The following SLC6A20 variants were observed in gnomAD, a reference collection of about 807,000 sequenced individuals.
The protein encoded by SLC6A20 is solute carrier family 6 member 20.
A neutral mutation model predicts 64.3 loss-of-function variants in SLC6A20; 73 were observed. The observed-to-expected ratio is 1.14, with a 90% CI of 0.94 to 1.38. SLC6A20 has a LOEUF of 1.38. Ranked by LOEUF, SLC6A20 falls within the 40% of genes most tolerant of loss-of-function variation. The probability of loss-of-function intolerance (pLI) is 0.00; values close to 1 mark genes in which losing one functional copy is unlikely to be tolerated. For synonymous variants in SLC6A20, 347 were observed against 329.6 expected, an observed-to-expected ratio of 1.05 and a Z score of -0.57; for missense variants, 725 against 772.8, an observed-to-expected ratio of 0.94 and a Z score of 0.73.
In SLC6A20 at chr3:45,758,375, C is replaced by T; in HGVS notation, c.*603G>A. On this transcript the variant is annotated 3_prime_UTR_variant, in exon 11 of 11. Coordinates refer to ENST00000358525, the MANE Select transcript of SLC6A20 (RefSeq NM_020208.4). The stretch of plus-strand genomic sequence containing the variant: ...TTTGTAGAGAGGTCTGGTCCTGGAC[C>T]CACCGTCAGAGACCTTAGAGAAAGG... 1 of 1,247,344 alleles carries T rather than the reference C, an allele frequency of 8.0e-7. No homozygotes were observed. Among genetic ancestry groups the T allele is most frequent in the Non-Finnish European group, 1.0e-6 (1 of 956,838 alleles). The allele number at this position is 1,247,344 out of a possible 1,614,324, so 77.3% of individuals were successfully genotyped here. A position where few individuals can be genotyped will look rare whatever the true frequency, so the allele number is the denominator to read the frequency against.
At position 45,775,783 on chromosome 3, in the gene SLC6A20, C is replaced by T. The variant is rs149068093; in HGVS notation, c.560G>A (p.Arg187His). Residue 187 changes from arginine (R) to histidine (H), a missense_variant, in exon 4 of 11, where the codon CGT (arginine) becomes CAT (histidine). Arg to His is a conservative substitution (Grantham distance 29). Transcript: ENST00000358525. ...CACCTTGCCAGTGGACTCGGTGCCA[C>T]GCAGGATGCACAGGTACACCACCAG... ...AWLVVYLCIL[R>H]GTESTGKVVY... 169 of 1,613,782 alleles carry T rather than the reference C, an allele frequency of 1.0e-4. No homozygotes were observed. Among genetic ancestry groups the T allele is most frequent in the Middle Eastern group, 3.3e-4 (2 of 6,082 alleles).
chr3:45,792,367 C>T (rs1559573825), intron 1 of SLC6A20, among the ~76,000 whole-genome samples: 1 of 152,204 alleles, frequency 6.6e-6, no homozygotes, highest in Non-Finnish European at 1.5e-5. Context: ...TTCTCTCTGA[C>T]TTGTTTCCTA....
In SLC6A20 at chr3:45,758,356, G is replaced by A. The variant is rs1270155732; in HGVS notation, c.*622C>T. The A allele has an allele frequency of 7.6e-6, 9 of 1,178,386 alleles. No homozygotes were observed. The highest frequency in any genetic ancestry group is 1.1e-6 in the Non-Finnish European group (1 of 897,940). The allele number at this position is 1,178,386 out of a possible 1,614,324, so 73.0% of individuals were successfully genotyped here. On this transcript the variant is annotated 3_prime_UTR_variant, in exon 11 of 11. Coordinates refer to ENST00000358525, the MANE Select transcript of SLC6A20 (RefSeq NM_020208.4). ...ACTGTAGTTGGGGCAATTTTTTGTAGAGAGGTCTGGTCCTGGACCCACCGT... is the reference window on the plus strand; with the variant it reads ...ACTGTAGTTGGGGCAATTTTTTGTAAAGAGGTCTGGTCCTGGACCCACCGT...
rs1343394460 is a variant in SLC6A20 at position 45,765,580 on chromosome 3, G to A, written c.1260C>T (p.Asp420=). The change falls in exon 8 of 11, where the codon GAC becomes GAT. Residue 420 remains aspartate, a synonymous_variant. Transcript: ENST00000358525. The surrounding 1 kb of genome is among the most constrained non-coding windows in gnomAD (Gnocchi z 4.2). ...GCAGGTGGCTGGAGATGATCTTGCT[G>A]TCTGTCAGAGGGGTGAGGATGGCCG... The part of the protein sequence containing the change: ...NTAAILTPLT[D]SKIISSHLPK... 6.2e-7 allele frequency: 1 copy of A among 1,614,126 alleles called. No homozygotes were observed. The highest frequency in any genetic ancestry group is 8.5e-7 in the Non-Finnish European group (1 of 1,180,014).
chr3:45,780,768 G>A (rs1017648382), intron 2 of SLC6A20, among the ~76,000 whole-genome samples: 6 of 152,154 alleles, frequency 3.9e-5, no homozygotes, highest in Admixed American at 6.6e-5. Flanking sequence ...CTCCCCAGCC[G>A]CAAGTGCTGG....
chr3:45,759,765 T>G (rs1452986482), intron 10 of SLC6A20, 92 bp downstream of exon 10: 4 of 1,435,654 alleles, frequency 2.8e-6, no homozygotes, highest in Non-Finnish European at 3.8e-6. Flanking sequence ...ACCCACACCA[T>G]GGAAATAGTC....
intron 5 of SLC6A20, 140 bp from the exon 6 acceptor site, chr3:45,771,598 A>T: frequency 1.5e-6 from 2 of 1,349,752 alleles, no homozygotes; most frequent in Non-Finnish European, 2.0e-6. Context: ...AGGGCTGGAG[A>T]CCAGCTCTCC....
chr3:45,759,666 A>G (rs1381635693), intron 10 of SLC6A20, among the ~76,000 whole-genome samples, 191 bp downstream of exon 10: 1 of 152,244 alleles, frequency 6.6e-6, no homozygotes, highest in Non-Finnish European at 1.5e-5. Context: ...CCACTGAAGC[A>G]CATACCTAAA....
chr3:45,768,288 C>G (rs1699805598), intron 7 of SLC6A20, among the ~76,000 whole-genome samples: 1 of 150,390 alleles, frequency 6.6e-6, no homozygotes, highest in Non-Finnish European at 1.5e-5. Flanking sequence ...AAATTCCAAA[C>G]AGCAGGGAAT....
chr3:45,779,582 C>A (rs749636796), intron 3 of SLC6A20, among the ~76,000 whole-genome samples: 1 of 152,236 alleles, frequency 6.6e-6, no homozygotes. Flanking sequence ...CTGAGGAAAG[C>A]GGGAGAAGGG....
chr3:45,793,668 G>A (rs13065580), intron 1 of SLC6A20, among the ~76,000 whole-genome samples: 13 of 152,244 alleles, frequency 8.5e-5, no homozygotes, highest in South Asian at 6.2e-4. Flanking sequence ...TCCCTAATCC[G>A]TCTTATTCTG....
chr3:45,790,127 G>A (rs958805208), intron 1 of SLC6A20, among the ~76,000 whole-genome samples: 6 of 151,994 alleles, frequency 3.9e-5, no homozygotes, highest in South Asian at 2.1e-4. Flanking sequence ...ATGCCCGCCC[G>A]AGTCAGTGCC....
In SLC6A20 at chr3:45,765,071, G is replaced by T. The variant is rs1471881940; in HGVS notation, c.1303+466C>A. On this transcript the variant is annotated intron_variant, in intron 8 of 10. Coordinates refer to ENST00000358525, the MANE Select transcript of SLC6A20 (RefSeq NM_020208.4). The surrounding 1 kb of genome is among the most constrained non-coding windows in gnomAD (Gnocchi z 4.2). ...CTACTAAAAATACAAAAATTAGCCA[G>T]GTGTCATGGCGTGCACCTGTAATCC... Among the ~76,000 whole-genome samples the T allele has an allele frequency of 6.6e-6, 1 of 151,958 alleles. No individual in the cohort carries two copies. The highest frequency in any genetic ancestry group is 2.4e-5 in the African/African-American group (1 of 41,350).
chr3:45,761,313 G>A (rs1000375175), intron 9 of SLC6A20, among the ~76,000 whole-genome samples: 17 of 151,296 alleles, frequency 1.1e-4, no homozygotes, highest in South Asian at 6.3e-4. Context: ...ACTAGATGGC[G>A]GTGTCACCTG....
In SLC6A20 at chr3:45,759,234, G is replaced by GTGGGGCCGGTGTCCTCACTCC. The variant is rs1337215558; in HGVS notation, c.1630-128_1630-108dup. On this transcript the variant is annotated intron_variant, in intron 10 of 10. Coordinates refer to ENST00000358525, the MANE Select transcript of SLC6A20 (RefSeq NM_020208.4). Reference sequence around the variant, plus strand: ...GTGATGTGACGTGGGCAGAGAGCATGTGGGGCCGGTGTCCTCACTCCTGGG... The same window carrying GTGGGGCCGGTGTCCTCACTCC: ...GTGATGTGACGTGGGCAGAGAGCATGTGGGGCCGGTGTCCTCACTCCTGGGGCCGGTGTCCTCACTCCTGGG... 5.7e-6 allele frequency: 7 copies of GTGGGGCCGGTGTCCTCACTCC among 1,232,302 alleles called. No individual in the cohort carries two copies. The Admixed American group carries it at 8.6e-5, about 15-fold the overall frequency. 76.3% of individuals were successfully genotyped at this position (1,232,302 alleles called of 1,614,324 possible).
intron 8 of SLC6A20, among the ~76,000 whole-genome samples, chr3:45,763,850 G>A (rs904870821): frequency 6.6e-5 from 10 of 152,290 alleles, no homozygotes; most frequent in Middle Eastern, 3.4e-3. Flanking sequence ...CTAGCACACC[G>A]TACACTGCCA....
intron 1 of SLC6A20, 145 bp from the exon 2 acceptor site, chr3:45,782,368 T>G (rs1463967230): frequency 1.7e-6 from 2 of 1,161,882 alleles, no homozygotes; most frequent in Non-Finnish European, 2.4e-6. Context: ...CATCCTCCTC[T>G]TTCTACTCAT....
chr3:45,772,330 G>A (rs1426839737), intron 5 of SLC6A20, 175 bp downstream of exon 5: 2 of 553,216 alleles, frequency 3.6e-6, no homozygotes, highest in Non-Finnish European at 3.2e-6. Context: ...CCTGGCTGAG[G>A]AGGTGATCCA....
At chr3:45,776,965 G>A (rs903015754) in intron 3 of SLC6A20, among the ~76,000 whole-genome samples, 1 of 152,152 alleles carries the variant, frequency 6.6e-6, no homozygotes, top group South Asian at 2.1e-4. Flanking sequence ...ACCATGACCC[G>A]AGGCCAAGTG....
Sources: allele counts gnomAD v4.1 joint callset (sites outside exome capture counted in the v4.1 genomes callset), GRCh38; gene constraint gnomAD v4.1.1; non-coding constraint Gnocchi (gnomAD v3.1); transcripts MANE v1.5; gene names NCBI Gene and HGNC (gene_info 2026-07-23, HGNC 2026-07-21).